The following LRMDA variants were observed in gnomAD, a reference collection of about 807,000 sequenced individuals.
LRMDA encodes leucine-rich melanocyte differentiation-associated protein.
In LRMDA, 18 loss-of-function variants were observed where a neutral mutation model predicts 29.8. The observed-to-expected ratio is 0.60, with a 90% CI of 0.42 to 0.90. The LOEUF (loss-of-function observed/expected upper bound fraction) is 0.90, where lower values mean the gene tolerates loss of function less well. LRMDA is among the 40% of genes least tolerant of loss of function. The pLI is 0.00. For synonymous variants in LRMDA, 125 were observed against 109.4 expected (o/e 1.14, Z -0.89); for missense variants, 273 against 273.9 (o/e 1.00, Z 0.02).
rs117133032 is a variant in LRMDA, at chr10:76,168,878, C to T, written c.516+110095C>T. 4.0e-3 allele frequency among the ~76,000 whole-genome samples: 608 copies of T among 152,250 alleles called. 4 individuals carry two copies. The highest frequency in any genetic ancestry group is 6.8e-3 in the Middle Eastern group (2 of 292). On this transcript the variant is annotated intron_variant, in intron 5 of 6. Coordinates refer to ENST00000611255, the MANE Select transcript of LRMDA (RefSeq NM_001305581.2). Reference sequence around the variant, plus strand: ...TGGAATTCTGAAACATACATGCATTCCATGAAGTCCACTGTTTATTGTTGA... The same window carrying T: ...TGGAATTCTGAAACATACATGCATTTCATGAAGTCCACTGTTTATTGTTGA...
At chr10:75,984,983 A>G (rs1847238871) in intron 2 of LRMDA, among the ~76,000 whole-genome samples, 1 of 152,220 alleles carries the variant, frequency 6.6e-6, no homozygotes, top group Admixed American at 6.5e-5. Context: ...ATACAACAGC[A>G]GCCTAGGTAC....
At chr10:75,798,017 A>C (rs1843682701) in intron 2 of LRMDA, among the ~76,000 whole-genome samples, 1 of 152,158 alleles carries the variant, frequency 6.6e-6, no homozygotes, top group Admixed American at 6.5e-5. Flanking sequence ...ATTCTAGTGC[A>C]TGTGACAGTG....
intron 2 of LRMDA, among the ~76,000 whole-genome samples, chr10:75,719,520 G>A (rs1842541005): frequency 6.6e-6 from 1 of 152,246 alleles, no homozygotes; most frequent in African/African-American, 2.4e-5. Flanking sequence ...TAGTCGTAGA[G>A]TATTTCTCCA....
intron 5 of LRMDA, among the ~76,000 whole-genome samples, chr10:76,179,055 A>C (rs1256137877): frequency 6.6e-6 from 1 of 152,164 alleles, no homozygotes; most frequent in Non-Finnish European, 1.5e-5. Context: ...GTTTCCTTAG[A>C]CTTGTAAGAA....
At chr10:75,551,529 T>C (rs1256411986) in intron 2 of LRMDA, among the ~76,000 whole-genome samples, 1 of 146,244 alleles carries the variant, frequency 6.8e-6, no homozygotes, top group African/African-American at 2.5e-5. Flanking sequence ...TTCCCCTCCC[T>C]GTGTCCATGT....
intron 6 of LRMDA, among the ~76,000 whole-genome samples, chr10:76,325,058 C>G (rs146934330): frequency 6.6e-6 from 1 of 152,326 alleles, no homozygotes; most frequent in African/African-American, 2.4e-5. Context: ...GCAGACAGAA[C>G]ACTGACATGA....
chr10:75,900,529 G>C (rs933021549), intron 2 of LRMDA, among the ~76,000 whole-genome samples: 3 of 152,224 alleles, frequency 2.0e-5, no homozygotes, highest in Admixed American at 2.0e-4. Context: ...TTTGAGACTA[G>C]ATTGGGGGAG....
In LRMDA at chr10:76,172,550, A is replaced by T. The variant is rs1012933298; in HGVS notation, c.516+113767A>T. Among the ~76,000 whole-genome samples the T allele has an allele frequency of 3.9e-5, 6 of 152,152 alleles. No homozygotes were observed. The East Asian group carries it at 9.7e-4, about 24-fold the overall frequency. ...AATGGAGAGGAGAGAATATTTTATA[A>T]GGGGTATCTGAGTGCTTACTGATCA... On this transcript the variant is annotated intron_variant, in intron 5 of 6. Transcript: ENST00000611255.
At chr10:76,024,318 G>C (rs1356291063) in intron 2 of LRMDA, among the ~76,000 whole-genome samples, 1 of 152,194 alleles carries the variant, frequency 6.6e-6, no homozygotes, top group Non-Finnish European at 1.5e-5. Flanking sequence ...AGTTGATCTC[G>C]TCTCTGTCCC....
At chr10:75,517,828 G>A (rs555139089) in intron 2 of LRMDA, among the ~76,000 whole-genome samples, 2 of 152,228 alleles carry the variant, frequency 1.3e-5, no homozygotes, top group South Asian at 4.1e-4. Flanking sequence ...TATGATACTG[G>A]CTATGGGTTT....
At chr10:75,829,626 A>G (rs928180508) in intron 2 of LRMDA, among the ~76,000 whole-genome samples, 9 of 152,076 alleles carry the variant, frequency 5.9e-5, no homozygotes, top group African/African-American at 1.7e-4. Flanking sequence ...TATGTTAGTA[A>G]CACTTCTAAA....
chr10:75,581,805 G>T (rs899176217), intron 2 of LRMDA, among the ~76,000 whole-genome samples: 1 of 151,976 alleles, frequency 6.6e-6, no homozygotes, highest in Non-Finnish European at 1.5e-5. Flanking sequence ...GCTAGGGGAG[G>T]GATAGCATTA....
chr10:76,256,884 C>T (rs1852604239), intron 5 of LRMDA, among the ~76,000 whole-genome samples: 1 of 152,162 alleles, frequency 6.6e-6, no homozygotes, highest in South Asian at 2.1e-4. Flanking sequence ...ACATCACAGT[C>T]AGTGTCTCTA....
intron 4 of LRMDA, among the ~76,000 whole-genome samples, chr10:76,053,026 C>T (rs772202220): frequency 3.9e-5 from 6 of 152,140 alleles, no homozygotes; most frequent in African/African-American, 7.2e-5. Flanking sequence ...GATTTATAGA[C>T]GGGGGTTTCT....
At chr10:75,864,535 A>G (rs1844988230) in intron 2 of LRMDA, among the ~76,000 whole-genome samples, 2 of 152,148 alleles carry the variant, frequency 1.3e-5, no homozygotes, top group African/African-American at 4.8e-5. Context: ...CATCCTTAGG[A>G]AAAAAATAAG....
intron 5 of LRMDA, among the ~76,000 whole-genome samples, chr10:76,275,189 C>T (rs1840115602): frequency 6.6e-6 from 1 of 152,002 alleles, no homozygotes; most frequent in Non-Finnish European, 1.5e-5. Flanking sequence ...AATATTTCTT[C>T]ATTGTTTCCT....
At chr10:76,231,081 C>T (rs1022246419) in intron 5 of LRMDA, among the ~76,000 whole-genome samples, 1 of 151,950 alleles carries the variant, frequency 6.6e-6, no homozygotes, top group African/African-American at 2.4e-5. Flanking sequence ...TGGGGAGCTG[C>T]CTCCGAGCAA....
At position 75,476,243 on chromosome 10, in the gene LRMDA, CT is replaced by C. The variant is rs375953514; in HGVS notation, c.131+37751del. On this transcript the variant is annotated intron_variant, in intron 2 of 6. Coordinates refer to ENST00000611255, the MANE Select transcript of LRMDA (RefSeq NM_001305581.2). Reference sequence around the variant, plus strand: ...AAGTTAATTTTTTAAAAAATCATTGCTTGTGAACTTGGGGCCCTAAATAGAA... The same window carrying C: ...AAGTTAATTTTTTAAAAAATCATTGCTGTGAACTTGGGGCCCTAAATAGAA... 1.4e-4 allele frequency among the ~76,000 whole-genome samples: 22 copies of C among 152,204 alleles called. No homozygotes were observed. In the East Asian group the frequency reaches 4.3e-3, roughly 29 times the overall value.
At chr10:75,796,014 C>T (rs1305300101) in intron 2 of LRMDA, among the ~76,000 whole-genome samples, 2 of 152,122 alleles carry the variant, frequency 1.3e-5, no homozygotes, top group African/African-American at 4.8e-5. Flanking sequence ...GCTTCTAGTA[C>T]ATAGCAATAT....
Sources: gnomAD v4.1 joint callset for allele counts (sites outside exome capture counted in the v4.1 genomes callset) on GRCh38, gnomAD v4.1.1 for gene constraint, MANE v1.5 for transcripts, NCBI Gene and HGNC (gene_info 2026-07-23, HGNC 2026-07-21) for gene names.